SLC35F1: variants seen among roughly 807,000 people sequenced by gnomAD.
The protein encoded by SLC35F1 is solute carrier family 35 member F1, also known as chromosome 6 open reading frame 169.
Under a neutral mutation model 48.7 loss-of-function variants are expected in SLC35F1, and 14 were observed. The ratio of observed to expected loss-of-function variants is 0.29; its 90% CI spans 0.19 to 0.45. The LOEUF is 0.45. Ranked by LOEUF, SLC35F1 falls within the 20% of genes least tolerant of loss-of-function variation. The pLI is 1.00. For synonymous variants in SLC35F1, 190 were observed against 202.2 expected, an observed-to-expected ratio of 0.94 and a Z score of 0.51; for missense variants, 404 against 500.0, an observed-to-expected ratio of 0.81 and a Z score of 1.83.
chr6:118,109,449 AG>A (rs1773368313), intron 1 of SLC35F1, among the ~76,000 whole-genome samples: 3 of 152,284 alleles, frequency 2.0e-5, no homozygotes, highest in Admixed American at 2.0e-4. Flanking sequence ...CTGCTGCTCA[AG>A]GCTCAAGCAT....
At chr6:118,102,290 C>A (rs1398012219) in intron 1 of SLC35F1, among the ~76,000 whole-genome samples, 2 of 152,104 alleles carry the variant, frequency 1.3e-5, no homozygotes, top group Non-Finnish European at 2.9e-5. Flanking sequence ...ATCAAGCAAT[C>A]TTCCCACCTC....
At chr6:118,158,146 TC>T (rs1357301726) in intron 2 of SLC35F1, among the ~76,000 whole-genome samples, 68 of 152,224 alleles carry the variant, frequency 4.5e-4, no homozygotes, top group African/African-American at 1.6e-3. Context: ...TTGCCTCAGA[TC>T]CTCACTAAGT....
chr6:118,074,257 CAGAT>C (rs1364636512), intron 1 of SLC35F1, among the ~76,000 whole-genome samples: 2 of 152,208 alleles, frequency 1.3e-5, no homozygotes, highest in Non-Finnish European at 2.9e-5. Context: ...AGCTGTCGCA[CAGAT>C]AGTTACACCA....
chr6:118,249,093 C>A (rs1775541647), intron 3 of SLC35F1, among the ~76,000 whole-genome samples: 1 of 152,248 alleles, frequency 6.6e-6, no homozygotes, highest in African/African-American at 2.4e-5. Context: ...AGACACCAAC[C>A]TCCAGAACTG....
chr6:118,048,847 G>C (rs1374520400), intron 1 of SLC35F1, among the ~76,000 whole-genome samples: 1 of 152,128 alleles, frequency 6.6e-6, no homozygotes, highest in Non-Finnish European at 1.5e-5. Flanking sequence ...TTTCTTCACA[G>C]AATTGGAAAA....
intron 1 of SLC35F1, among the ~76,000 whole-genome samples, chr6:118,079,675 C>T (rs1265917120): frequency 6.6e-6 from 1 of 152,158 alleles, no homozygotes; most frequent in Non-Finnish European, 1.5e-5. Context: ...GGACATTTTC[C>T]TCAGTCTTCT....
chr6:118,167,144 G>A (rs1209416393), intron 2 of SLC35F1, among the ~76,000 whole-genome samples: 1 of 152,042 alleles, frequency 6.6e-6, no homozygotes, highest in Non-Finnish European at 1.5e-5. Flanking sequence ...CCCTAATTGA[G>A]TAAAGATGAT....
chr6:118,051,718 C>T lies in SLC35F1; in HGVS notation c.174-102727C>T, dbSNP rs140028993. On this transcript the variant is annotated intron_variant, in intron 1 of 7. Transcript: ENST00000360388. ...GAACTCAGAGTTATGGTTGAAATTA[C>T]AAAGTGCAAGAAAGATGAAAAGGAG... 1.5e-4 allele frequency among the ~76,000 whole-genome samples: 23 copies of T among 152,190 alleles called. No individual in the cohort carries two copies. The East Asian group carries it at 4.1e-3, about 27-fold the overall frequency.
chr6:118,217,022 AAAG>A (rs1054654754), intron 2 of SLC35F1, among the ~76,000 whole-genome samples: 22 of 152,308 alleles, frequency 1.4e-4, no homozygotes, highest in Admixed American at 3.3e-4. Flanking sequence ...GGATGACTAC[AAAG>A]AAGAACCAAA....
chr6:118,044,211 C>T (rs113064788), intron 1 of SLC35F1, among the ~76,000 whole-genome samples: 2,214 of 152,268 alleles, frequency 0.015, 62 homozygotes, highest in African/African-American at 0.05. Flanking sequence ...GTTCTCATTG[C>T]ACCCATCATC....
intron 1 of SLC35F1, among the ~76,000 whole-genome samples, chr6:118,148,898 T>A (rs775733071): frequency 1.3e-5 from 2 of 152,094 alleles, no homozygotes; most frequent in Admixed American, 6.6e-5. Flanking sequence ...AAAAACAACA[T>A]GATTTTTGTC....
intron 1 of SLC35F1, among the ~76,000 whole-genome samples, chr6:118,004,120 A>G (rs1582613701): frequency 6.6e-6 from 1 of 152,332 alleles, no homozygotes; most frequent in East Asian, 1.9e-4. Flanking sequence ...TCAGTAATTA[A>G]TCTGGATAAA....
At chr6:117,917,783 A>AGTGTGGAATTCTGGGGAGAAGTCAGG in intron 1 of SLC35F1, among the ~76,000 whole-genome samples, 1 of 152,016 alleles carries the variant, frequency 6.6e-6, no homozygotes, top group Non-Finnish European at 1.5e-5. Context: ...GAGAAGTCAG[A>AGTGTGGAATTCTGGGGAGAAGTCAGG]GCTTGGAATT....
chr6:117,942,267 A>G lies in SLC35F1; in HGVS notation c.173+34368A>G, dbSNP rs1373452443. On this transcript the variant is annotated intron_variant, in intron 1 of 7. Coordinates refer to ENST00000360388, the MANE Select transcript of SLC35F1 (RefSeq NM_001029858.4). The stretch of plus-strand genomic sequence containing the variant: ...ATTCTGACCTAATTCTATTGTTGTT[A>G]CAGAATATGAATTACATAGACACTG... Among the ~76,000 whole-genome samples, 3 of 152,316 alleles carry G rather than the reference A, an allele frequency of 2.0e-5. No individual in the cohort carries two copies. The East Asian group carries it at 5.8e-4, about 29-fold the overall frequency.
chr6:118,313,923 C>T, intron 7 of SLC35F1, 105 bp from the exon 8 acceptor site: 2 of 1,018,612 alleles, frequency 2.0e-6, no homozygotes, highest in East Asian at 2.5e-5. Flanking sequence ...CATCATGCTG[C>T]CTGTTCTGAG....
intron 1 of SLC35F1, among the ~76,000 whole-genome samples, chr6:118,137,901 A>G (rs1238922981): frequency 1.3e-5 from 2 of 152,088 alleles, no homozygotes; most frequent in Non-Finnish European, 2.9e-5. Context: ...CTTTACCCCT[A>G]ACATAATCCC....
intron 2 of SLC35F1, among the ~76,000 whole-genome samples, chr6:118,160,044 G>C (rs1476666327): frequency 6.6e-6 from 1 of 152,128 alleles, no homozygotes; most frequent in African/African-American, 2.4e-5. Flanking sequence ...GTAAAGGCAG[G>C]ATGCTGAGGG....
At chr6:118,140,961 T>A (rs980946243) in intron 1 of SLC35F1, among the ~76,000 whole-genome samples, 3 of 152,232 alleles carry the variant, frequency 2.0e-5, no homozygotes, top group Admixed American at 6.5e-5. Context: ...AGTCAAAACA[T>A]TTTTAAAAAT....
intron 1 of SLC35F1, among the ~76,000 whole-genome samples, chr6:117,945,052 A>G (rs571352924): frequency 6.6e-6 from 1 of 152,318 alleles, no homozygotes; most frequent in South Asian, 2.1e-4. Flanking sequence ...TGGAGCTTGC[A>G]TCCATTTGGG....
Sources: gnomAD v4.1 joint callset for allele counts (sites outside exome capture counted in the v4.1 genomes callset) on GRCh38, gnomAD v4.1.1 for gene constraint, MANE v1.5 for transcripts, NCBI Gene and HGNC (gene_info 2026-07-23, HGNC 2026-07-21) for gene names.